USH2A: variants seen among roughly 807,000 people sequenced by gnomAD.
USH2A encodes the protein usherin, also known as Usher syndrome 2A (autosomal recessive, mild).
In USH2A, 443 loss-of-function variants were observed where a neutral mutation model predicts 538.9. That is an observed-to-expected ratio of 0.82 (90% CI 0.76 to 0.89). The LOEUF (loss-of-function observed/expected upper bound fraction) is 0.89, where lower values mean the gene tolerates loss of function less well. Among genes scored for constraint, USH2A ranks in the 40% least tolerant of loss-of-function variants. The pLI, the probability that USH2A is intolerant of heterozygous loss-of-function variation, is 0.00. For synonymous variants in USH2A, 2,413 were observed against 2,273.5 expected (o/e 1.06, Z -1.75); for missense variants, 6,633 against 6,324.8 (o/e 1.05, Z -1.65).
chr1:216,360,622 C>T (rs2038474018), intron 4 of USH2A, among the ~76,000 whole-genome samples: 3 of 151,958 alleles, frequency 2.0e-5, no homozygotes, highest in South Asian at 2.1e-4. Context: ...ATGGGGAAGG[C>T]TGTGCGTGTG....
chr1:215,775,223 C>T (rs1410906524), intron 55 of USH2A, among the ~76,000 whole-genome samples: 11 of 152,112 alleles, frequency 7.2e-5, no homozygotes, highest in East Asian at 5.8e-4. Flanking sequence ...CAATCAAACA[C>T]GGTACCATGC....
intron 61 of USH2A, among the ~76,000 whole-genome samples, chr1:215,726,944 T>C (rs896543270): frequency 1.3e-5 from 2 of 152,202 alleles, no homozygotes; most frequent in African/African-American, 4.8e-5. Flanking sequence ...TGTGCAATTC[T>C]CATCTCTGCA....
Position 215,799,072 on chromosome 1 carries a change from C to T in USH2A, c.9793G>A (p.Asp3265Asn). Residue 3265 changes from aspartate to asparagine, a missense_variant, in exon 50 of 72, where the codon GAT (aspartate) becomes AAT (asparagine). Transcript: ENST00000307340. ...TACGGCATTCTGCCACAGCAGGAATCACCAATGCCAACAGAAACCCGATTG... is the reference window on the plus strand; with the variant it reads ...TACGGCATTCTGCCACAGCAGGAATTACCAATGCCAACAGAAACCCGATTG... ...QHNRVSVGIG[D>N]SCCGRMPYST... 1 of 1,614,024 alleles carries T rather than the reference C, an allele frequency of 6.2e-7. No individual in the cohort carries two copies. The highest frequency in any genetic ancestry group is 8.5e-7 in the Non-Finnish European group (1 of 1,179,978).
chr1:215,854,423 G>A (rs1013014112), intron 44 of USH2A, among the ~76,000 whole-genome samples: 8 of 152,072 alleles, frequency 5.3e-5, no homozygotes, highest in Admixed American at 2.0e-4. Context: ...CTGAGAACTG[G>A]AACAAGACAA....
At chr1:216,094,189 T>C (rs2032382428) in intron 22 of USH2A, among the ~76,000 whole-genome samples, 1 of 152,206 alleles carries the variant, frequency 6.6e-6, no homozygotes, top group Admixed American at 6.5e-5. Context: ...TTTCTTTTTC[T>C]GATTTTTGTT....
intron 60 of USH2A, 65 bp from the exon 61 acceptor site, chr1:215,728,449 A>G: frequency 6.8e-7 from 1 of 1,470,582 alleles, no homozygotes; most frequent in Non-Finnish European, 9.4e-7. Flanking sequence ...TTGTAGATGG[A>G]GTAAAAACAT....
At chr1:216,198,122 G>C (rs2034892270) in intron 18 of USH2A, among the ~76,000 whole-genome samples, 193 bp downstream of exon 18, 1 of 152,040 alleles carries the variant, frequency 6.6e-6, no homozygotes, top group Non-Finnish European at 1.5e-5. Context: ...TTGCCCCCTA[G>C]AACTTGCTGC....
rs113360468 is a variant in USH2A at position 215,923,414 on chromosome 1, G to A, written c.7300+11202C>T. On this transcript the variant is annotated intron_variant, in intron 38 of 71. Transcript: ENST00000307340. ...ACTAAATTTCTCAGACTCTTTGAGGGGCAACATGGCTGGCAGCAAATTGAG... is the reference window on the plus strand; with the variant it reads ...ACTAAATTTCTCAGACTCTTTGAGGAGCAACATGGCTGGCAGCAAATTGAG... Among the ~76,000 whole-genome samples, 48 of 152,136 alleles carry A rather than the reference G, an allele frequency of 3.2e-4. 1 individual carries two copies. The highest frequency in any genetic ancestry group is 7.2e-4 in the African/African-American group (30 of 41,528).
intron 38 of USH2A, among the ~76,000 whole-genome samples, chr1:215,915,015 G>A (rs1665916642): frequency 1.3e-5 from 2 of 152,068 alleles, no homozygotes; most frequent in Admixed American, 1.3e-4. Flanking sequence ...AGTTAATGCT[G>A]GGCAGTTATT....
chr1:215,999,675 A>C (rs1668220035), intron 33 of USH2A, among the ~76,000 whole-genome samples: 1 of 152,192 alleles, frequency 6.6e-6, no homozygotes, highest in South Asian at 2.1e-4. Flanking sequence ...TGTTAAGCTG[A>C]GAAACACCTG....
rs547550076 is a variant in USH2A, at chr1:216,319,707, G to A, written c.1644+2176C>T. Among the ~76,000 whole-genome samples, 4 of 152,266 alleles carry A rather than the reference G, an allele frequency of 2.6e-5. No individual in the cohort carries two copies. In the East Asian group the frequency reaches 5.8e-4, roughly 22 times the overall value. The stretch of plus-strand genomic sequence containing the variant: ...AGTTGAAACTGAGGAGTGGGACTAC[G>A]TTTTGAATGTGCTAGAGAAAGTCTG... On this transcript the variant is annotated intron_variant, in intron 9 of 71. Transcript: ENST00000307340.
At chr1:216,095,464 G>A (rs528120355) in intron 22 of USH2A, among the ~76,000 whole-genome samples, 63 of 152,106 alleles carry the variant, frequency 4.1e-4, no homozygotes, top group Middle Eastern at 3.4e-3. Flanking sequence ...TGCCTTCTGC[G>A]ATAGCTGCTG....
intron 61 of USH2A, among the ~76,000 whole-genome samples, chr1:215,719,178 T>C (rs1659580297): frequency 1.3e-5 from 2 of 152,062 alleles, no homozygotes; most frequent in South Asian, 4.2e-4. Context: ...CTAAAATACC[T>C]CATCATGTTC....
intron 21 of USH2A, among the ~76,000 whole-genome samples, chr1:216,114,914 A>T (rs1018434134): frequency 2.0e-5 from 3 of 152,158 alleles, no homozygotes; most frequent in Non-Finnish European, 4.4e-5. Flanking sequence ...AGATACATAG[A>T]TATTAATAGA....
chr1:215,805,044 A>C (rs1256853437), intron 49 of USH2A, among the ~76,000 whole-genome samples: 2 of 152,148 alleles, frequency 1.3e-5, no homozygotes, highest in African/African-American at 4.8e-5. Context: ...ACAAAGAACC[A>C]AACACCGTAT....
At chr1:215,806,856 A>AT (rs1432269151) in intron 49 of USH2A, among the ~76,000 whole-genome samples, 2 of 151,952 alleles carry the variant, frequency 1.3e-5, no homozygotes, top group African/African-American at 2.4e-5. Flanking sequence ...TATACTTAGC[A>AT]TTTTTTTCAT....
Position 216,013,461 on chromosome 1 carries a change from T to TTATTAATATAAGAAGA in USH2A, c.6326-12900_6326-12899insTCTTCTTATATTAATA, listed in dbSNP as rs1306819480. On this transcript the variant is annotated intron_variant, in intron 32 of 71. Transcript: ENST00000307340. Reference sequence around the variant, plus strand: ...TTATTAATATAAGAAGACAGGAATGTCAGGCCTCTGAGCCCAAGCTAAGCC... The same window carrying TTATTAATATAAGAAGA: ...TTATTAATATAAGAAGACAGGAATGTTATTAATATAAGAAGACAGGCCTCTGAGCCCAAGCTAAGCC... Among the ~76,000 whole-genome samples, 28 of 152,112 alleles carry TTATTAATATAAGAAGA rather than the reference T, an allele frequency of 1.8e-4. No homozygotes were observed. The South Asian group carries it at 4.2e-3, about 23-fold the overall frequency.
chr1:215,690,615 T>G (rs538033999), intron 61 of USH2A, among the ~76,000 whole-genome samples: 1 of 152,294 alleles, frequency 6.6e-6, no homozygotes, highest in Admixed American at 6.5e-5. Context: ...TCTCCCTGAC[T>G]GAAATGATTC....
At chr1:216,023,253 C>T (rs1023550307) in intron 32 of USH2A, among the ~76,000 whole-genome samples, 4 of 151,780 alleles carry the variant, frequency 2.6e-5, no homozygotes, top group Non-Finnish European at 4.4e-5. Flanking sequence ...TCAATGGGTG[C>T]TCACTACATC....
Sources: gnomAD v4.1 joint callset for allele counts (sites outside exome capture counted in the v4.1 genomes callset) on GRCh38, gnomAD v4.1.1 for gene constraint, MANE v1.5 for transcripts, NCBI Gene and HGNC (gene_info 2026-07-23, HGNC 2026-07-21) for gene names.